The following PRKCE variants were observed in gnomAD, a reference collection of about 807,000 sequenced individuals.
PRKCE encodes protein kinase C epsilon.
In PRKCE, 16 loss-of-function variants were observed where a neutral mutation model predicts 85.4. The ratio of observed to expected loss-of-function variants is 0.19; its 90% CI spans 0.13 to 0.28. The LOEUF (loss-of-function observed/expected upper bound fraction) is 0.28, where lower values mean the gene tolerates loss of function less well. Ranked by LOEUF, PRKCE falls within the 10% of genes least tolerant of loss-of-function variation. PRKCE has a pLI of 1.00. For synonymous variants in PRKCE, 388 were observed against 371.5 expected (o/e 1.04, Z -0.51); for missense variants, 573 against 975.2 (o/e 0.59, Z 5.49).
intron 1 of PRKCE, among the ~76,000 whole-genome samples, chr2:45,761,627 C>T (rs2104830710): frequency 6.6e-6 from 1 of 152,242 alleles, no homozygotes; most frequent in South Asian, 2.1e-4. Context: ...GACTTGGGCC[C>T]CAGTCTAATC....
chr2:45,688,620 A>G (rs949760326), intron 1 of PRKCE, among the ~76,000 whole-genome samples: 1 of 152,198 alleles, frequency 6.6e-6, no homozygotes, highest in Admixed American at 6.5e-5. Flanking sequence ...CTAAACCACC[A>G]AATGATTCTG....
chr2:45,809,507 C>T (rs1558696302), intron 1 of PRKCE, among the ~76,000 whole-genome samples: 2 of 152,116 alleles, frequency 1.3e-5, no homozygotes, highest in Admixed American at 6.5e-5. Context: ...GAAGTCGTTT[C>T]ATTGTTAGAT....
At chr2:45,811,523 G>A (rs1408207251) in intron 1 of PRKCE, among the ~76,000 whole-genome samples, 1 of 152,226 alleles carries the variant, frequency 6.6e-6, no homozygotes, top group Non-Finnish European at 1.5e-5. Context: ...GAGGGAGGCT[G>A]ACTCACCCTG....
intron 1 of PRKCE, among the ~76,000 whole-genome samples, chr2:45,832,342 T>C (rs1483870717): frequency 6.8e-6 from 1 of 147,638 alleles, no homozygotes; most frequent in Non-Finnish European, 1.5e-5. Flanking sequence ...AGACAGAGTC[T>C]CACTCTGTTG....
Position 45,802,083 on chromosome 2 carries a change from TAAAA to T in PRKCE, c.349-40900_349-40897del, listed in dbSNP as rs36010894. On this transcript the variant is annotated intron_variant, in intron 1 of 14. Transcript: ENST00000306156. Reference sequence around the variant, plus strand: ...TGGGCAACATAACAAGACCCTATCTTAAAAAAAAAAAAAAAAAAAACACCCAAAA... The same window carrying T: ...TGGGCAACATAACAAGACCCTATCTTAAAAAAAAAAAAAAAACACCCAAAA... Among the ~76,000 whole-genome samples the T allele has an allele frequency of 8.7e-4, 106 of 121,902 alleles. 1 individual carries two copies. The highest frequency in any genetic ancestry group is 2.0e-3 in the African/African-American group (67 of 32,748). The allele number at this position is 121,902 out of a possible 152,430, so 80.0% of individuals were successfully genotyped here. A position where few individuals can be genotyped will look rare whatever the true frequency, so the allele number is the denominator to read the frequency against.
At chr2:45,670,807 A>G (rs1373018612) in intron 1 of PRKCE, among the ~76,000 whole-genome samples, 1 of 152,204 alleles carries the variant, frequency 6.6e-6, no homozygotes, top group East Asian at 1.9e-4. Context: ...GATCGGATAG[A>G]CTGGTTCTGA....
intron 1 of PRKCE, among the ~76,000 whole-genome samples, chr2:45,803,494 A>G (rs1410273418): frequency 1.3e-5 from 2 of 152,224 alleles, no homozygotes; most frequent in South Asian, 2.1e-4. Flanking sequence ...GCTTTTCCCA[A>G]TGGCATTATC....
intron 2 of PRKCE, among the ~76,000 whole-genome samples, chr2:45,870,176 C>T (rs1693977288): frequency 6.6e-6 from 1 of 152,170 alleles, no homozygotes; most frequent in Non-Finnish European, 1.5e-5. Context: ...TTTAAACAGC[C>T]CTCAAGTATT....
In PRKCE at chr2:45,786,951, C is replaced by T. The variant is rs368825021; in HGVS notation, c.349-56049C>T. Among the ~76,000 whole-genome samples the T allele has an allele frequency of 2.4e-4, 37 of 152,358 alleles. No individual in the cohort carries two copies. The highest frequency in any genetic ancestry group is 7.7e-4 in the African/African-American group (32 of 41,588). On this transcript the variant is annotated intron_variant, in intron 1 of 14. Transcript: ENST00000306156. This position sits in a 1 kb window ranked among gnomAD's most constrained non-coding sequence, Gnocchi z 5.3. ...CCAGGAAGCTGGTGTTTCTCAAACTCGCCTGGTGAGTCACTTGAGGCTTTG... is the reference window on the plus strand; with the variant it reads ...CCAGGAAGCTGGTGTTTCTCAAACTTGCCTGGTGAGTCACTTGAGGCTTTG...
intron 2 of PRKCE, among the ~76,000 whole-genome samples, chr2:45,922,917 AT>A (rs1213139561): frequency 6.6e-6 from 1 of 152,158 alleles, no homozygotes; most frequent in Non-Finnish European, 1.5e-5. Flanking sequence ...CATATTAGTC[AT>A]TGGAAATAAT....
intron 11 of PRKCE, among the ~76,000 whole-genome samples, chr2:46,104,146 A>T (rs918516242): frequency 6.6e-6 from 1 of 152,180 alleles, no homozygotes; most frequent in Non-Finnish European, 1.5e-5. Context: ...TTATTCTGGC[A>T]CTGCTGCTCT....
chr2:45,671,410 T>C (rs1240074979), intron 1 of PRKCE, among the ~76,000 whole-genome samples: 1 of 152,196 alleles, frequency 6.6e-6, no homozygotes, highest in Non-Finnish European at 1.5e-5. Context: ...ACACACTAGG[T>C]ACAGGAGGCC....
At chr2:46,061,858 T>C (rs866910324) in intron 10 of PRKCE, among the ~76,000 whole-genome samples, 2 of 109,992 alleles carry the variant, frequency 1.8e-5, no homozygotes, top group South Asian at 2.9e-4. Flanking sequence ...CTTTTCTTTT[T>C]CTTTTTTTTT....
At chr2:46,032,173 C>G (rs868023766) in intron 10 of PRKCE, among the ~76,000 whole-genome samples, 1 of 152,084 alleles carries the variant, frequency 6.6e-6, no homozygotes, top group African/African-American at 2.4e-5. Context: ...TTTACAAAGT[C>G]CTTTGTCCAT....
In PRKCE at chr2:45,905,028, A is replaced by G. The variant is rs1696870799; in HGVS notation, c.412+61965A>G. On this transcript the variant is annotated intron_variant, in intron 2 of 14. Coordinates refer to ENST00000306156, the MANE Select transcript of PRKCE (RefSeq NM_005400.3). The surrounding 1 kb of genome is among the most constrained non-coding windows in gnomAD (Gnocchi z 4.4). ...GACAGGGGCTCCACATCACTTCAGC[A>G]GGCACGGTGACACACAGGACTCACT... Among the ~76,000 whole-genome samples, 1 of 152,242 alleles carries G rather than the reference A, an allele frequency of 6.6e-6. No individual in the cohort carries two copies.
chr2:45,734,104 C>A (rs1018302838), intron 1 of PRKCE, among the ~76,000 whole-genome samples: 1 of 152,298 alleles, frequency 6.6e-6, no homozygotes, highest in African/African-American at 2.4e-5. Context: ...CGGTGGCTCA[C>A]GCCTGTAATC....
intron 10 of PRKCE, among the ~76,000 whole-genome samples, chr2:46,026,936 C>T (rs912376271): frequency 6.6e-6 from 1 of 152,052 alleles, no homozygotes; most frequent in African/African-American, 2.4e-5. Flanking sequence ...GTCTGTAGTC[C>T]CAACATTGGG....
chr2:45,693,610 A>G (rs976505946), intron 1 of PRKCE, among the ~76,000 whole-genome samples: 1 of 152,062 alleles, frequency 6.6e-6, no homozygotes, highest in African/African-American at 2.4e-5. Flanking sequence ...GAAAATGAGG[A>G]GGCTGTCGGA....
intron 10 of PRKCE, among the ~76,000 whole-genome samples, chr2:46,084,947 T>C (rs901516678): frequency 9.9e-5 from 15 of 152,112 alleles, no homozygotes; most frequent in African/African-American, 3.6e-4. Flanking sequence ...GTCAGAGAGC[T>C]CCTTTTTCTC....
Sources: allele counts gnomAD v4.1 joint callset (sites outside exome capture counted in the v4.1 genomes callset), GRCh38; gene constraint gnomAD v4.1.1; non-coding constraint Gnocchi (gnomAD v3.1); transcripts MANE v1.5; gene names NCBI Gene and HGNC (gene_info 2026-07-23, HGNC 2026-07-21).